Variants in CDH23 observed in about 807,000 individuals in gnomAD.
CDH23 encodes cadherin related 23.
CDH23 carries 189 observed loss-of-function variants against 317.1 expected under a neutral mutation model. The observed-to-expected ratio is 0.60, with a 90% CI of 0.53 to 0.67. The LOEUF (loss-of-function observed/expected upper bound fraction) is 0.67, where lower values mean the gene tolerates loss of function less well. CDH23 is among the 30% of genes least tolerant of loss of function. CDH23 has a pLI of 0.00. For missense variants in CDH23, 4,401 were observed against 4,592.4 expected, an observed-to-expected ratio of 0.96 and a Z score of 1.20; for synonymous variants, 1,839 against 1,876.8, an observed-to-expected ratio of 0.98 and a Z score of 0.52.
At position 71,491,606 on chromosome 10, in the gene CDH23, A is replaced by G. The variant is rs112110296; in HGVS notation, c.146-18476A>G. ...ACTCTACGCCCTTCATTTGTAACAC[A>G]ACTAGGAGTATCACACTTTAATCCT... On this transcript the variant is annotated intron_variant, in intron 3 of 69. Coordinates refer to ENST00000224721, the MANE Select transcript of CDH23 (RefSeq NM_022124.6). Among the ~76,000 whole-genome samples, 976 of 152,318 alleles carry G rather than the reference A, an allele frequency of 6.4e-3. 12 individuals carry two copies. Among genetic ancestry groups the G allele is most frequent in the African/African-American group, 0.022 (924 of 41,572 alleles).
chr10:71,721,600 G>A (rs2132791603), intron 28 of CDH23, among the ~76,000 whole-genome samples: 1 of 152,272 alleles, frequency 6.6e-6, no homozygotes, highest in East Asian at 1.9e-4. Flanking sequence ...CAGGGCCCTT[G>A]TTCTTTTTGC....
intron 6 of CDH23, among the ~76,000 whole-genome samples, chr10:71,552,265 T>C (rs1333409095): frequency 1.3e-5 from 2 of 152,162 alleles, no homozygotes; most frequent in Non-Finnish European, 2.9e-5. Flanking sequence ...CATTGATGTC[T>C]CTGTGTCCTC....
At chr10:71,763,400 T>C (rs1248860510) in intron 38 of CDH23, among the ~76,000 whole-genome samples, 1 of 152,244 alleles carries the variant, frequency 6.6e-6, no homozygotes, top group East Asian at 1.9e-4. Flanking sequence ...TCCAAACTGA[T>C]ACATCCTTTT....
intron 3 of CDH23, among the ~76,000 whole-genome samples, chr10:71,507,425 C>T (rs1185892044): frequency 6.6e-6 from 1 of 152,208 alleles, no homozygotes; most frequent in Non-Finnish European, 1.5e-5. Context: ...GACATGGTGG[C>T]TCGCACCTGT....
At chr10:71,725,958 G>A (rs1233863675) in intron 30 of CDH23, among the ~76,000 whole-genome samples, 3 of 152,166 alleles carry the variant, frequency 2.0e-5, no homozygotes, top group Non-Finnish European at 4.4e-5. Context: ...TCCAAGTTCA[G>A]TGCCCTTTCC....
chr10:71,418,247 C>T (rs898659505), intron 1 of CDH23, among the ~76,000 whole-genome samples: 4 of 151,898 alleles, frequency 2.6e-5, no homozygotes, highest in African/African-American at 9.7e-5. Context: ...TCAGTCATTT[C>T]GTATGAAAAA....
intron 55 of CDH23, among the ~76,000 whole-genome samples, chr10:71,805,120 A>G (rs1841671122): frequency 6.6e-6 from 1 of 152,244 alleles, no homozygotes; most frequent in Non-Finnish European, 1.5e-5. Context: ...AAAAGCAAAG[A>G]AACGTGCCCT....
intron 45 of CDH23, among the ~76,000 whole-genome samples, chr10:71,789,945 G>A (rs990815269): frequency 2.8e-4 from 42 of 152,204 alleles, no homozygotes; most frequent in Admixed American, 1.6e-3. Flanking sequence ...GTTGACAGGC[G>A]AGACCCACAC....
At chr10:71,407,564 CA>C (rs1360296327) in intron 1 of CDH23, among the ~76,000 whole-genome samples, 1 of 152,194 alleles carries the variant, frequency 6.6e-6, no homozygotes, top group Non-Finnish European at 1.5e-5. Flanking sequence ...TAGGGGTTTG[CA>C]TGCAGTGGTG....
In CDH23 at chr10:71,706,911, G is replaced by A. The variant is rs771766431; in HGVS notation, c.2968G>A (p.Asp990Asn). 1.1e-5 allele frequency: 17 copies of A among 1,602,166 alleles called. No homozygotes were observed. In the South Asian group the frequency reaches 1.1e-4, roughly 11 times the overall value. The change falls in exon 26 of 70, where the codon GAC becomes AAC. Residue 990 changes from aspartate to asparagine, a missense_variant. By Grantham distance (23) the Asp-to-Asn change is conservative. Transcript: ENST00000224721. ...TLTIHVLDVN[D>N]ETPTFFPAVY... is the part of the protein sequence containing the mutation. ...CTGCCCCGCAGTGCTGGATGTGAAC[G>A]ACGAGACGCCCACCTTCTTCCCGGC... is the stretch of plus-strand genomic sequence containing the variant.
intron 4 of CDH23, among the ~76,000 whole-genome samples, chr10:71,510,717 A>G (rs1853919703): frequency 6.6e-6 from 1 of 152,150 alleles, no homozygotes; most frequent in South Asian, 2.1e-4. Context: ...AGCCAAGACT[A>G]GCACCCAAGA....
chr10:71,714,061 T>C (rs1202799001), intron 28 of CDH23: 2 of 152,190 alleles, frequency 1.3e-5, no homozygotes, highest in East Asian at 3.9e-4. Context: ...CAGCCCTGAG[T>C]TCTCCCATTT....
chr10:71,492,345 T>C (rs1344768711), intron 3 of CDH23, among the ~76,000 whole-genome samples: 1 of 152,156 alleles, frequency 6.6e-6, no homozygotes, highest in Non-Finnish European at 1.5e-5. Context: ...CTAATTCCAA[T>C]GGAAAGAGGA....
chr10:71,516,475 T>G (rs552316470), intron 6 of CDH23, among the ~76,000 whole-genome samples: 22 of 152,356 alleles, frequency 1.4e-4, no homozygotes, highest in African/African-American at 5.1e-4. Context: ...GCTCATTCCC[T>G]GTACCTCCTT....
chr10:71,721,085 G>A (rs1049264161), intron 28 of CDH23, among the ~76,000 whole-genome samples: 12 of 152,206 alleles, frequency 7.9e-5, no homozygotes, highest in African/African-American at 2.9e-4. Context: ...CTCCTGAGAT[G>A]ACAGAAGACA....
chr10:71,553,446 A>G (rs979654176), intron 6 of CDH23, among the ~76,000 whole-genome samples: 1 of 152,174 alleles, frequency 6.6e-6, no homozygotes, highest in African/African-American at 2.4e-5. Flanking sequence ...GGCCGGCAGC[A>G]GTAGCCTCAG....
At chr10:71,420,472 G>A (rs1311246951) in intron 1 of CDH23, among the ~76,000 whole-genome samples, 1 of 142,520 alleles carries the variant, frequency 7.0e-6, no homozygotes, top group Non-Finnish European at 1.5e-5. Flanking sequence ...TGATGATGGT[G>A]ATGATGATGG....
In CDH23 at chr10:71,741,756, C is replaced by T. The variant is rs1839739650; in HGVS notation, c.4680C>T (p.Asn1560=). 1.2e-6 allele frequency: 2 copies of T among 1,612,656 alleles called. No individual in the cohort carries two copies. The highest frequency in any genetic ancestry group is 2.2e-5 in the East Asian group (1 of 44,900). The change falls in exon 38 of 70, where the codon AAC becomes AAT. Residue 1560 remains asparagine, a synonymous_variant. Coordinates refer to ENST00000224721, the MANE Select transcript of CDH23 (RefSeq NM_022124.6). Reference sequence around the variant, plus strand: ...CCACTGACCGTGACATCGGGATCAACAGTGTTCTGTCCTACTACATCACCG... The same window carrying T: ...CCACTGACCGTGACATCGGGATCAATAGTGTTCTGTCCTACTACATCACCG... The part of the protein sequence containing the change: ...VRATDRDIGI[N]SVLSYYITEG...
At chr10:71,527,572 T>G (rs1422486817) in intron 6 of CDH23, among the ~76,000 whole-genome samples, 1 of 152,134 alleles carries the variant, frequency 6.6e-6, no homozygotes, top group African/African-American at 2.4e-5. Context: ...CTTGGTTTTG[T>G]CTCCCTGTGA....
Sources: gnomAD v4.1 joint callset for allele counts (sites outside exome capture counted in the v4.1 genomes callset) on GRCh38, gnomAD v4.1.1 for gene constraint, MANE v1.5 for transcripts, NCBI Gene and HGNC (gene_info 2026-07-23, HGNC 2026-07-21) for gene names.